PLAAT1: variants seen among roughly 807,000 people sequenced by gnomAD.
The protein encoded by PLAAT1 is phospholipase A and acyltransferase 1.
Under a neutral mutation model 16.4 loss-of-function variants are expected in PLAAT1, and 13 were observed. That is an observed-to-expected ratio of 0.79 (90% CI 0.52 to 1.26). The LOEUF is 1.26. Among genes scored for constraint, PLAAT1 ranks in the 50% most tolerant of loss-of-function variants. The pLI is 0.00. For missense variants in PLAAT1, 218 were observed against 207.8 expected (o/e 1.05, Z -0.30); for synonymous variants, 73 against 78.4 (o/e 0.93, Z 0.36).
At chr3:193,254,205 A>G (rs1437541027) in intron 1 of PLAAT1, among the ~76,000 whole-genome samples, 1 of 152,170 alleles carries the variant, frequency 6.6e-6, no homozygotes, top group Non-Finnish European at 1.5e-5. Flanking sequence ...CGTTTCTGTG[A>G]CAGTGTGATG....
chr3:193,271,156 G>C (rs1716971330), downstream of PLAAT1, among the ~76,000 whole-genome samples: 2 of 152,122 alleles, frequency 1.3e-5, no homozygotes, highest in Non-Finnish European at 2.9e-5. Flanking sequence ...TTAGCATTTT[G>C]GTTAGGCAGT....
At chr3:193,275,244 T>G, downstream of PLAAT1, 8 of 1,614,134 alleles carry the variant, frequency 5.0e-6, no homozygotes, top group Non-Finnish European at 6.8e-6. Context: ...ACTTTTAGAG[T>G]AGAATCCAAA....
chr3:193,270,463 T>C (rs1716947421), intron 3 of PLAAT1, 141 bp from the exon 4 acceptor site: 2 of 574,482 alleles, frequency 3.5e-6, no homozygotes, highest in African/African-American at 1.9e-5. Flanking sequence ...ATGCAGAATT[T>C]TAATTTTGCA....
intron 2 of PLAAT1, among the ~76,000 whole-genome samples, chr3:193,259,263 G>A (rs1291360994): frequency 6.6e-6 from 1 of 152,048 alleles, no homozygotes; most frequent in Non-Finnish European, 1.5e-5. Context: ...TCATTTATGA[G>A]ACACCCACAG....
intron 1 of PLAAT1, among the ~76,000 whole-genome samples, chr3:193,250,896 T>G (rs1716168060): frequency 6.8e-6 from 1 of 146,890 alleles, no homozygotes; most frequent in Non-Finnish European, 1.5e-5. Flanking sequence ...CCAGGGCAAG[T>G]CAAGGGAAAA....
At chr3:193,271,543 A>G (rs746459546), downstream of PLAAT1, among the ~76,000 whole-genome samples, 2 of 152,218 alleles carry the variant, frequency 1.3e-5, no homozygotes, top group Non-Finnish European at 2.9e-5. Flanking sequence ...TGAATTAAAG[A>G]CACTGCTTTT....
chr3:193,258,782 A>G (rs1341868698), intron 2 of PLAAT1, among the ~76,000 whole-genome samples: 1 of 152,078 alleles, frequency 6.6e-6, no homozygotes. Flanking sequence ...TACCAACCGA[A>G]AAAAGCCCTG....
intron 2 of PLAAT1, among the ~76,000 whole-genome samples, chr3:193,257,049 T>C (rs1486523773): frequency 6.6e-6 from 1 of 152,200 alleles, no homozygotes; most frequent in Non-Finnish European, 1.5e-5. Context: ...CATCTGCATT[T>C]TTTTCTATGT....
downstream of PLAAT1, chr3:193,275,024 G>A: frequency 6.2e-7 from 1 of 1,613,522 alleles, no homozygotes; most frequent in Non-Finnish European, 8.5e-7. Context: ...TGTTGAGCAT[G>A]TACGACGACA....
chr3:193,246,749 CTGTTGAATGCAGTTTGCTAGTATTT>C (rs1715998536), intron 1 of PLAAT1, among the ~76,000 whole-genome samples: 1 of 152,190 alleles, frequency 6.6e-6, no homozygotes, highest in African/African-American at 2.4e-5. Flanking sequence ...TTTAAATTTA[CTGTTGAATGCAGTTTGCTAGTATTT>C]TGTTAAAGAT....
At chr3:193,270,080 AC>A (rs1178998357) in intron 3 of PLAAT1, among the ~76,000 whole-genome samples, 20 of 151,834 alleles carry the variant, frequency 1.3e-4, no homozygotes, top group African/African-American at 4.6e-4. Flanking sequence ...ACACACACAC[AC>A]ACACACACAC....
intron 1 of PLAAT1, among the ~76,000 whole-genome samples, chr3:193,249,133 A>G (rs1205322381): frequency 6.6e-6 from 1 of 152,056 alleles, no homozygotes; most frequent in Admixed American, 6.6e-5. Context: ...CTCTTTGACC[A>G]TATCTTATTC....
downstream of PLAAT1, among the ~76,000 whole-genome samples, chr3:193,272,315 C>T (rs1007817861): frequency 3.3e-5 from 5 of 152,000 alleles, no homozygotes; most frequent in East Asian, 1.9e-4. Context: ...TGGTGGCGGG[C>T]GCCTACAGTC....
chr3:193,261,404 C>T (rs1160517434), intron 2 of PLAAT1, among the ~76,000 whole-genome samples: 6 of 151,868 alleles, frequency 4.0e-5, no homozygotes, highest in Non-Finnish European at 7.4e-5. Flanking sequence ...AATAAATAAC[C>T]TGGAGTATTT....
At chr3:193,266,147 A>G (rs1716768878) in intron 3 of PLAAT1, among the ~76,000 whole-genome samples, 1 of 152,108 alleles carries the variant, frequency 6.6e-6, no homozygotes, top group East Asian at 1.9e-4. Context: ...GAGTGGGCGG[A>G]AGCTTTTGGA....
At chr3:193,275,758 C>A (rs1212371471), downstream of PLAAT1, among the ~76,000 whole-genome samples, 1 of 152,200 alleles carries the variant, frequency 6.6e-6, no homozygotes, top group Non-Finnish European at 1.5e-5. Flanking sequence ...CTTTTGTTCA[C>A]ATGCCCACAC....
At chr3:193,275,778 C>A (rs191417725), downstream of PLAAT1, among the ~76,000 whole-genome samples, 25 of 152,236 alleles carry the variant, frequency 1.6e-4, no homozygotes, top group East Asian at 4.4e-3. Context: ...CAGTTTTTAT[C>A]CATTTATAGT....
At chr3:193,272,985 ACAGT>A (rs1048162459), downstream of PLAAT1, among the ~76,000 whole-genome samples, 1 of 152,206 alleles carries the variant, frequency 6.6e-6, no homozygotes, top group African/African-American at 2.4e-5. Flanking sequence ...CATATTTTTA[ACAGT>A]CAGGAATGGA....
chr3:193,263,107 C>G lies in PLAAT1; in HGVS notation c.277C>G (p.Leu93Val). Residue 93 changes from leucine (L) to valine (V), a missense_variant, in exon 3 of 4, where the codon CTC becomes GTC. Leu to Val is a conservative substitution (Grantham distance 32). Transcript: ENST00000264735. ...NNKYDETYPP[L>V]PVEEIIKRSE... ...TAAATACGATGAAACGTACCCCCCT[C>G]TCCCTGTGGAAGAAATCATAAAGCG... is the stretch of plus-strand genomic sequence containing the variant. The G allele has an allele frequency of 6.2e-7, 1 of 1,614,214 alleles. No homozygotes were observed. The highest frequency in any genetic ancestry group is 1.1e-5 in the South Asian group (1 of 91,080).
Sources: gnomAD v4.1 joint callset for allele counts (sites outside exome capture counted in the v4.1 genomes callset) on GRCh38, gnomAD v4.1.1 for gene constraint, MANE v1.5 for transcripts, NCBI Gene and HGNC (gene_info 2026-07-23, HGNC 2026-07-21) for gene names.